The following ZMYND12 variants were observed in gnomAD, a reference collection of about 807,000 sequenced individuals.
The protein encoded by ZMYND12 is zinc finger MYND-type containing 12, also known as zinc finger MYND domain-containing protein 12.
ZMYND12 carries 32 observed loss-of-function variants against 41.7 expected under a neutral mutation model. That is an observed-to-expected ratio of 0.77 (90% CI 0.58 to 1.03). The LOEUF (loss-of-function observed/expected upper bound fraction) is 1.03. ZMYND12 is among the 50% of genes least tolerant of loss of function. ZMYND12 has a pLI of 0.00. For synonymous variants in ZMYND12, 148 were observed against 164.8 expected, an observed-to-expected ratio of 0.90 and a Z score of 0.78; for missense variants, 424 against 438.5, an observed-to-expected ratio of 0.97 and a Z score of 0.30.
chr1:42,443,177 T>C (rs4660226), intron 3 of ZMYND12, among the ~76,000 whole-genome samples: 20,060 of 152,166 alleles, frequency 0.13, 1,491 homozygotes, highest in East Asian at 0.18. Flanking sequence ...GGAAAAGGCA[T>C]ACTTGGGAGA....
At chr1:42,434,461 T>C (rs115324731) in intron 6 of ZMYND12, among the ~76,000 whole-genome samples, 75 of 152,152 alleles carry the variant, frequency 4.9e-4, no homozygotes, top group African/African-American at 1.8e-3. Context: ...CAGAACTGTT[T>C]TGTGGCCTGT....
intron 6 of ZMYND12, 87 bp downstream of exon 6, chr1:42,435,187 G>T: frequency 9.8e-7 from 1 of 1,020,024 alleles, no homozygotes. Flanking sequence ...TCATGACAGG[G>T]ACAGCTGCTT....
At chr1:42,449,853 G>C (rs1004990638) in intron 2 of ZMYND12, 65 bp downstream of exon 2, 9 of 1,585,044 alleles carry the variant, frequency 5.7e-6, no homozygotes, top group South Asian at 1.1e-5. Context: ...AACACAGTTC[G>C]AGCCTTGTCT....
intron 3 of ZMYND12, among the ~76,000 whole-genome samples, chr1:42,448,127 T>C (rs1390512322): frequency 9.7e-6 from 1 of 102,934 alleles, no homozygotes; most frequent in Admixed American, 9.6e-5. Flanking sequence ...GCAAAGCAGA[T>C]AGATACCCAG....
chr1:42,435,837 G>A (rs1455702149), intron 5 of ZMYND12, among the ~76,000 whole-genome samples: 1 of 152,178 alleles, frequency 6.6e-6, no homozygotes, highest in Non-Finnish European at 1.5e-5. Context: ...TTAAACTACA[G>A]CAAAATGCCT....
chr1:42,440,503 A>G (rs1001146650), intron 3 of ZMYND12, among the ~76,000 whole-genome samples: 1 of 151,942 alleles, frequency 6.6e-6, no homozygotes, highest in African/African-American at 2.4e-5. Flanking sequence ...AATGCAAGGG[A>G]GGCACTAACA....
chr1:42,455,297 C>A lies in ZMYND12; in HGVS notation c.110+591G>T, dbSNP rs542984693. 9.9e-5 allele frequency among the ~76,000 whole-genome samples: 15 copies of A among 152,006 alleles called. No individual in the cohort carries two copies. In the South Asian group the frequency reaches 2.5e-3, roughly 25 times the overall value. On this transcript the variant is annotated intron_variant, in intron 1 of 7. Coordinates refer to ENST00000372565, the MANE Select transcript of ZMYND12 (RefSeq NM_032257.5). ...TTCCACATACTGCCCCATTCACTAT[C>A]GTCTCACTCTCGTTGCCCAAGCTGG...
intron 3 of ZMYND12, 76 bp downstream of exon 3, chr1:42,448,391 G>T (rs917160672): frequency 1.4e-6 from 2 of 1,409,584 alleles, no homozygotes; most frequent in South Asian, 1.6e-5. Flanking sequence ...TGTCAAGGGT[G>T]ACTCTTTGAT....
chr1:42,433,487 C>A lies in ZMYND12; in HGVS notation c.830-199G>T, dbSNP rs144558274. Among the ~76,000 whole-genome samples, 9 of 152,318 alleles carry A rather than the reference C, an allele frequency of 5.9e-5. No homozygotes were observed. The South Asian group carries it at 1.9e-3, about 32-fold the overall frequency. On this transcript the variant is annotated intron_variant, in intron 6 of 7. Coordinates refer to ENST00000372565, the MANE Select transcript of ZMYND12 (RefSeq NM_032257.5). ...GCAGGAAGCTCCGAAGCAGGAGTTT[C>A]AGACCGCTTTCCAGCTTTGCTTAGC... is the stretch of plus-strand genomic sequence containing the variant.
rs1642872360 is a variant in ZMYND12 at position 42,433,201 on chromosome 1, GT to G, written c.916del (p.Thr306ProfsTer5). Reference protein sequence around the residue: ...ESTSDKAPQKTIFVLKILVMF... With the variant: ...ESTSDKAPQKXIFVLKILVMF... ...GACCAGGATCTTCAGAACAAAGATG[GT>G]TTTTTGGGGGGCTTTGTCAGATGTA... is the stretch of plus-strand genomic sequence containing the variant. On this transcript the variant is annotated frameshift_variant, in exon 7 of 8. Transcript: ENST00000372565. LOFTEE classifies it high-confidence loss of function. The G allele has an allele frequency of 3.7e-6, 6 of 1,612,454 alleles. No homozygotes were observed. The highest frequency in any genetic ancestry group is 1.3e-5 in the African/African-American group (1 of 74,852).
At chr1:42,446,969 A>G (rs991281782) in intron 3 of ZMYND12, among the ~76,000 whole-genome samples, 9 of 152,196 alleles carry the variant, frequency 5.9e-5, no homozygotes, top group African/African-American at 1.9e-4. Context: ...GGACAGTTTG[A>G]GGATCAAATT....
At chr1:42,443,774 AT>A (rs1404656347) in intron 3 of ZMYND12, among the ~76,000 whole-genome samples, 1 of 152,182 alleles carries the variant, frequency 6.6e-6, no homozygotes, top group East Asian at 1.9e-4. Flanking sequence ...TATTCACCTA[AT>A]TGATTGAGTC....
intron 3 of ZMYND12, among the ~76,000 whole-genome samples, chr1:42,446,481 G>A (rs1300933660): frequency 1.3e-5 from 2 of 151,862 alleles, no homozygotes; most frequent in African/African-American, 4.8e-5. Context: ...GTGAAACCCC[G>A]TCTCTACTAC....
chr1:42,440,250 A>G (rs1265389666), intron 3 of ZMYND12, among the ~76,000 whole-genome samples: 1 of 151,784 alleles, frequency 6.6e-6, no homozygotes, highest in African/African-American at 2.4e-5. Flanking sequence ...GAACAAAAGG[A>G]GGCATCTCCA....
In ZMYND12 at chr1:42,456,014, C is replaced by T. The variant is rs769238815; in HGVS notation, c.-17G>A. On this transcript the variant is annotated 5_prime_UTR_variant, in exon 1 of 8. Transcript: ENST00000372565. The stretch of plus-strand genomic sequence containing the variant: ...CACATTCATGGTGCAGCCAGCAGTG[C>T]TGGTCTCTAAGACGGTTGCCCAGCA... The T allele has an allele frequency of 1.9e-6, 3 of 1,590,882 alleles. No individual in the cohort carries two copies. The highest frequency in any genetic ancestry group is 1.7e-5 in the Admixed American group (1 of 59,556).
At chr1:42,437,417 TTATGGTA>T (rs372209259) in intron 4 of ZMYND12, among the ~76,000 whole-genome samples, 9 of 149,808 alleles carry the variant, frequency 6.0e-5, no homozygotes, top group African/African-American at 2.2e-4. Context: ...TGGGTGAATT[TTATGGTA>T]TATATCAATA....
In ZMYND12 at chr1:42,449,971, A is replaced by T; in HGVS notation, c.199T>A (p.Tyr67Asn). 6.2e-7 allele frequency: 1 copy of T among 1,613,814 alleles called. No individual in the cohort carries two copies. The highest frequency in any genetic ancestry group is 1.1e-5 in the South Asian group (1 of 91,090). Reference sequence around the variant, plus strand: ...TGCTGCCGTTCTTCCTCTGAATTGTAGAAGGGCATGGAAGTGCGCAGTGGA... The same window carrying T: ...TGCTGCCGTTCTTCCTCTGAATTGTTGAAGGGCATGGAAGTGCGCAGTGGA... ...LIPLRTSMPF[Y>N]NSEEERQHGL... The change falls in exon 2 of 8, where the codon TAC becomes AAC. Residue 67 changes from tyrosine (Y) to asparagine (N), a missense_variant. Coordinates refer to ENST00000372565, the MANE Select transcript of ZMYND12 (RefSeq NM_032257.5).
In ZMYND12 at chr1:42,430,577, T is replaced by C. The variant is rs1642836723; in HGVS notation, c.*159A>G. The stretch of plus-strand genomic sequence containing the variant: ...CCTAAAGCTTTATATTCCCTTAATA[T>C]GCTGTGTAAGAAAAAAATAACAGCT... On this transcript the variant is annotated 3_prime_UTR_variant, in exon 8 of 8. Coordinates refer to ENST00000372565, the MANE Select transcript of ZMYND12 (RefSeq NM_032257.5). 1.9e-5 allele frequency: 17 copies of C among 875,224 alleles called. No individual in the cohort carries two copies. The highest frequency in any genetic ancestry group is 2.9e-5 in the Non-Finnish European group (17 of 581,552). The allele number at this position is 875,224 out of a possible 1,614,324, so 54.2% of individuals were successfully genotyped here.
chr1:42,455,828 C>A (rs1643164229), intron 1 of ZMYND12, 60 bp downstream of exon 1: 4 of 1,360,684 alleles, frequency 2.9e-6, no homozygotes, highest in Non-Finnish European at 4.1e-6. Context: ...CCAAGCCAGA[C>A]CCGGGAAAGG....
Sources: gnomAD v4.1 joint callset for allele counts (sites outside exome capture counted in the v4.1 genomes callset) on GRCh38, gnomAD v4.1.1 for gene constraint, MANE v1.5 for transcripts, NCBI Gene and HGNC (gene_info 2026-07-23, HGNC 2026-07-21) for gene names.